Variants in B3GALT1 observed in about 807,000 individuals in gnomAD.
B3GALT1 encodes the protein beta-1,3-galactosyltransferase 1, also known as UDP-Gal:betaGlcNAc beta 1,3-galactosyltransferase, polypeptide 1.
B3GALT1 carries 10 observed loss-of-function variants against 23.2 expected under a neutral mutation model. The ratio of observed to expected loss-of-function variants is 0.43; its 90% CI spans 0.27 to 0.73. The LOEUF (loss-of-function observed/expected upper bound fraction) is 0.73. B3GALT1 is among the 30% of genes least tolerant of loss of function. The probability of loss-of-function intolerance (pLI) is 0.21; values close to 1 mark genes in which losing one functional copy is unlikely to be tolerated. For missense variants in B3GALT1, 299 were observed against 405.4 expected, an observed-to-expected ratio of 0.74 and a Z score of 2.25; for synonymous variants, 156 against 141.5, an observed-to-expected ratio of 1.10 and a Z score of -0.73.
intron 2 of B3GALT1, among the ~76,000 whole-genome samples, chr2:167,581,017 C>A (rs546010233): frequency 6.6e-6 from 1 of 152,172 alleles, no homozygotes; most frequent in African/African-American, 2.4e-5. Context: ...TCCTCCTCCA[C>A]TCACCCCATT....
chr2:167,395,575 A>T (rs1270364680), intron 1 of B3GALT1, among the ~76,000 whole-genome samples: 1 of 152,140 alleles, frequency 6.6e-6, no homozygotes, highest in Non-Finnish European at 1.5e-5. Flanking sequence ...GATTTCAGAC[A>T]TCTGACTTCC....
intron 3 of B3GALT1, among the ~76,000 whole-genome samples, chr2:167,752,608 C>T (rs1316591792): frequency 3.4e-5 from 5 of 148,854 alleles, no homozygotes; most frequent in South Asian, 2.2e-4. Context: ...CCCCCTTCCC[C>T]GCTTTAATGT....
At chr2:167,305,973 C>G (rs1387198689) in intron 1 of B3GALT1, among the ~76,000 whole-genome samples, 3 of 152,044 alleles carry the variant, frequency 2.0e-5, no homozygotes, top group African/African-American at 7.2e-5. Flanking sequence ...CTTTCAGATA[C>G]TCTTTGGTGC....
chr2:167,394,421 C>T (rs1230289805), intron 1 of B3GALT1, among the ~76,000 whole-genome samples: 5 of 152,100 alleles, frequency 3.3e-5, no homozygotes, highest in Non-Finnish European at 7.4e-5. Flanking sequence ...ATGTACTGTG[C>T]TGTATTTCTA....
At chr2:167,710,034 G>A (rs527974412) in intron 3 of B3GALT1, among the ~76,000 whole-genome samples, 6 of 152,144 alleles carry the variant, frequency 3.9e-5, no homozygotes, top group African/African-American at 9.6e-5. Context: ...CCAGCACACT[G>A]GGTACCCAGA....
chr2:167,658,161 C>T (rs1334954929), intron 3 of B3GALT1, among the ~76,000 whole-genome samples: 6 of 152,000 alleles, frequency 3.9e-5, no homozygotes, highest in African/African-American at 7.2e-5. Context: ...ACAACATAGA[C>T]AGGGCTCCTG....
At chr2:167,866,610 C>T (rs944927779) in intron 4 of B3GALT1, among the ~76,000 whole-genome samples, 1 of 152,020 alleles carries the variant, frequency 6.6e-6, no homozygotes, top group African/African-American at 2.4e-5. Flanking sequence ...GAGGAAGGAA[C>T]AATAAAAAGG....
intron 3 of B3GALT1, among the ~76,000 whole-genome samples, chr2:167,663,425 G>A (rs943867698): frequency 1.2e-4 from 18 of 152,010 alleles, no homozygotes; most frequent in African/African-American, 4.1e-4. Flanking sequence ...AAACATACGT[G>A]TGCATGTGTC....
intron 4 of B3GALT1, among the ~76,000 whole-genome samples, chr2:167,841,412 T>G (rs934467512): frequency 6.6e-6 from 1 of 152,074 alleles, no homozygotes; most frequent in African/African-American, 2.4e-5. Flanking sequence ...GACCGAAAAT[T>G]TGGGTTGGTG....
At chr2:167,699,378 CTAT>C (rs1169706740) in intron 3 of B3GALT1, among the ~76,000 whole-genome samples, 1 of 78,686 alleles carries the variant, frequency 1.3e-5, no homozygotes, top group Non-Finnish European at 2.5e-5. Flanking sequence ...GCCATTATTT[CTAT>C]TTTTTTTTTT....
At chr2:167,389,384 T>C (rs554937575) in intron 1 of B3GALT1, among the ~76,000 whole-genome samples, 1 of 152,332 alleles carries the variant, frequency 6.6e-6, no homozygotes, top group East Asian at 1.9e-4. Flanking sequence ...TGATTATTAG[T>C]GGCTTGGTGC....
intron 2 of B3GALT1, among the ~76,000 whole-genome samples, chr2:167,544,319 G>A (rs1480348130): frequency 6.6e-6 from 1 of 152,164 alleles, no homozygotes; most frequent in Non-Finnish European, 1.5e-5. Flanking sequence ...TTTTGGGACA[G>A]AGTCTCAATC....
chr2:167,440,327 A>G (rs575129447), intron 1 of B3GALT1, among the ~76,000 whole-genome samples: 133 of 148,490 alleles, frequency 9.0e-4, no homozygotes, highest in African/African-American at 3.1e-3. Flanking sequence ...CCTGGGTAAC[A>G]GAGCGAGACT....
chr2:167,766,079 A>G (rs1021906240), intron 3 of B3GALT1, among the ~76,000 whole-genome samples: 1 of 152,212 alleles, frequency 6.6e-6, no homozygotes, highest in Admixed American at 6.5e-5. Flanking sequence ...AAATTATTTG[A>G]TTCCCATAGA....
rs574784766 is a variant in B3GALT1 at position 167,692,780 on chromosome 2, A to C, written c.-352+45814A>C. Among the ~76,000 whole-genome samples the C allele has an allele frequency of 3.1e-3, 468 of 152,252 alleles. 1 individual carries two copies. Among genetic ancestry groups the C allele is most frequent in the Non-Finnish European group, 4.9e-3 (334 of 67,998 alleles). On this transcript the variant is annotated intron_variant, in intron 3 of 4. Coordinates refer to ENST00000392690, the MANE Select transcript of B3GALT1 (RefSeq NM_020981.4). ...CCAAGTGTCATCTACTCAGTAACAT[A>C]ACTACAAATAAATGATTTTTTAAAA...
intron 4 of B3GALT1, among the ~76,000 whole-genome samples, chr2:167,843,420 C>T (rs533657622): frequency 6.6e-6 from 1 of 152,242 alleles, no homozygotes; most frequent in South Asian, 2.1e-4. Context: ...TGGTGAATCC[C>T]CAGATAGGAA....
chr2:167,836,043 A>T (rs1182925340), intron 4 of B3GALT1, among the ~76,000 whole-genome samples: 1 of 152,196 alleles, frequency 6.6e-6, no homozygotes, highest in Non-Finnish European at 1.5e-5. Flanking sequence ...CATCACCATC[A>T]TCAAAGACCA....
chr2:167,841,602 CA>C (rs1689650349), intron 4 of B3GALT1, among the ~76,000 whole-genome samples: 1 of 152,228 alleles, frequency 6.6e-6, no homozygotes, highest in Non-Finnish European at 1.5e-5. Flanking sequence ...TGAAATGTAT[CA>C]ACCACCTAAT....
At position 167,564,035 on chromosome 2, in the gene B3GALT1, T is replaced by C. The variant is rs71428985; in HGVS notation, c.-410+73758T>C. Among the ~76,000 whole-genome samples, 23 of 142,864 alleles carry C rather than the reference T, an allele frequency of 1.6e-4. No homozygotes were observed. The East Asian group carries it at 5.4e-3, about 34-fold the overall frequency. The allele number at this position is 142,864 out of a possible 152,430, so 93.7% of individuals were successfully genotyped here. A position where few individuals can be genotyped will look rare whatever the true frequency, so the allele number is the denominator to read the frequency against. ...CCACCTCCCTCCCGGACGAGGTGGC[T>C]GCTGGGAGGAGACGCTCCTCACTTC... On this transcript the variant is annotated intron_variant, in intron 2 of 4. Transcript: ENST00000392690.
Sources: gnomAD v4.1 joint callset for allele counts (sites outside exome capture counted in the v4.1 genomes callset) on GRCh38, gnomAD v4.1.1 for gene constraint, MANE v1.5 for transcripts, NCBI Gene and HGNC (gene_info 2026-07-23, HGNC 2026-07-21) for gene names.